The following PPP3CA variants were observed in gnomAD, a reference collection of about 807,000 sequenced individuals.
PPP3CA encodes the protein CAM-PRP catalytic subunit.
PPP3CA carries 14 observed loss-of-function variants against 66.5 expected under a neutral mutation model. The ratio of observed to expected loss-of-function variants is 0.21; its 90% CI spans 0.14 to 0.33. PPP3CA has a LOEUF of 0.33. PPP3CA is among the 10% of genes least tolerant of loss of function. The probability of loss-of-function intolerance (pLI) is 1.00; values close to 1 mark genes in which losing one functional copy is unlikely to be tolerated. For missense variants in PPP3CA, 317 were observed against 639.5 expected (o/e 0.50, Z 5.44); for synonymous variants, 232 against 226.2 (o/e 1.03, Z -0.23).
At chr4:101,260,141 G>C (rs902006508) in intron 1 of PPP3CA, among the ~76,000 whole-genome samples, 8 of 152,048 alleles carry the variant, frequency 5.3e-5, no homozygotes, top group Non-Finnish European at 1.2e-4. Flanking sequence ...TGAATACGGG[G>C]CAAATCGTAT....
At chr4:101,095,583 G>T (rs1301016402) in intron 5 of PPP3CA, among the ~76,000 whole-genome samples, 1 of 152,004 alleles carries the variant, frequency 6.6e-6, no homozygotes, top group African/African-American at 2.4e-5. Flanking sequence ...CTTAATTTAC[G>T]ATGTGAAGTT....
intron 1 of PPP3CA, among the ~76,000 whole-genome samples, chr4:101,328,455 A>G (rs1729272417): frequency 6.6e-6 from 1 of 152,200 alleles, no homozygotes; most frequent in African/African-American, 2.4e-5. Flanking sequence ...AAATGTTACA[A>G]TGAAACCACA....
At chr4:101,324,224 A>AGGAGGGAAG (rs1729142251) in intron 1 of PPP3CA, among the ~76,000 whole-genome samples, 1 of 108,236 alleles carries the variant, frequency 9.2e-6, no homozygotes, top group Non-Finnish European at 2.0e-5. Context: ...AAGGAAGGAA[A>AGGAGGGAAG]GGAGGGAAGG....
At chr4:101,248,824 A>C (rs1726573847) in intron 1 of PPP3CA, among the ~76,000 whole-genome samples, 1 of 152,192 alleles carries the variant, frequency 6.6e-6, no homozygotes, top group African/African-American at 2.4e-5. Flanking sequence ...ATTATCTTAA[A>C]ATCATCTGTC....
intron 2 of PPP3CA, among the ~76,000 whole-genome samples, chr4:101,130,680 C>A (rs1328686206): frequency 6.6e-5 from 10 of 152,282 alleles, no homozygotes; most frequent in Admixed American, 6.5e-4. Context: ...CCTTTATAGA[C>A]AAGCAAATGC....
In PPP3CA at chr4:101,098,323, T is replaced by G. The variant is rs574430794; in HGVS notation, c.642+44A>C. 2.6e-6 allele frequency: 4 copies of G among 1,537,474 alleles called. No homozygotes were observed. The Admixed American group carries it at 8.3e-5, about 32-fold the overall frequency. ...GTAATTAATGTCTTCTATTTATTAC[T>G]GTAGCGCACAAAATGATTAGACTTG... On this transcript the variant is annotated intron_variant, in intron 5 of 13. Coordinates refer to ENST00000394854, the MANE Select transcript of PPP3CA (RefSeq NM_000944.5).
intron 2 of PPP3CA, among the ~76,000 whole-genome samples, chr4:101,155,263 T>C (rs1461447909): frequency 6.6e-6 from 1 of 152,192 alleles, no homozygotes; most frequent in African/African-American, 2.4e-5. Context: ...TGACACCAGG[T>C]ATATACTCAA....
At chr4:101,222,134 C>T (rs1725645161) in intron 1 of PPP3CA, among the ~76,000 whole-genome samples, 1 of 151,576 alleles carries the variant, frequency 6.6e-6, no homozygotes, top group African/African-American at 2.4e-5. Context: ...AATCATTTAT[C>T]AAGCTTTTTA....
intron 11 of PPP3CA, among the ~76,000 whole-genome samples, chr4:101,039,053 C>T (rs963033237): frequency 1.4e-5 from 2 of 146,452 alleles, no homozygotes; most frequent in African/African-American, 2.5e-5. Context: ...AATAAATAAA[C>T]AAGTGTTTAC....
chr4:101,246,580 A>G (rs990279512), intron 1 of PPP3CA, among the ~76,000 whole-genome samples: 2 of 152,216 alleles, frequency 1.3e-5, no homozygotes, highest in Admixed American at 6.5e-5. Context: ...TATAGGTTAA[A>G]GTATTTATTT....
At chr4:101,099,826 C>T (rs1730361565) in intron 3 of PPP3CA, 104 bp from the exon 4 acceptor site, 1 of 502,862 alleles carries the variant, frequency 2.0e-6, no homozygotes, top group African/African-American at 2.0e-5. Flanking sequence ...ATTACCATGA[C>T]CAAAAGTCCC....
Position 101,149,524 on chromosome 4 carries a change from C to A in PPP3CA, c.260-40446G>T, listed in dbSNP as rs530033954. Reference sequence around the variant, plus strand: ...GCTAGAATAAGTTTGATATCAGAACCAAAACAATGGCAATGTTTGTTTTGT... The same window carrying A: ...GCTAGAATAAGTTTGATATCAGAACAAAAACAATGGCAATGTTTGTTTTGT... On this transcript the variant is annotated intron_variant, in intron 2 of 13. Coordinates refer to ENST00000394854, the MANE Select transcript of PPP3CA (RefSeq NM_000944.5). Among the ~76,000 whole-genome samples the A allele has an allele frequency of 2.0e-5, 3 of 152,144 alleles. No homozygotes were observed. In the East Asian group the frequency reaches 5.8e-4, roughly 29 times the overall value.
intron 1 of PPP3CA, among the ~76,000 whole-genome samples, chr4:101,331,152 C>T (rs566786569): frequency 6.6e-6 from 1 of 152,130 alleles, no homozygotes; most frequent in Non-Finnish European, 1.5e-5. Flanking sequence ...ATATATTTGG[C>T]CTCATCTTGC....
At chr4:101,166,990 T>C (rs1020987076) in intron 2 of PPP3CA, among the ~76,000 whole-genome samples, 7 of 152,182 alleles carry the variant, frequency 4.6e-5, no homozygotes, top group Admixed American at 1.3e-4. Flanking sequence ...CCTTTAATTA[T>C]ACGTGCAATT....
intron 1 of PPP3CA, among the ~76,000 whole-genome samples, chr4:101,278,136 A>AAAAAAAAAAAAAAAAAAAT (rs1553937788): frequency 6.9e-6 from 1 of 145,840 alleles, no homozygotes; most frequent in Admixed American, 6.7e-5. Context: ...AAAAAAAAAA[A>AAAAAAAAAAAAAAAAAAAT]AAATAAAAAA....
chr4:101,237,768 G>T (rs185117298), intron 1 of PPP3CA, among the ~76,000 whole-genome samples: 5 of 152,166 alleles, frequency 3.3e-5, no homozygotes, highest in Non-Finnish European at 5.9e-5. Context: ...ATGCTGTGGG[G>T]CACTGGCCAG....
At chr4:101,344,513 T>C (rs1578207220) in intron 1 of PPP3CA, among the ~76,000 whole-genome samples, 1 of 152,162 alleles carries the variant, frequency 6.6e-6, no homozygotes, top group Non-Finnish European at 1.5e-5. Flanking sequence ...AGGATCTCTA[T>C]CAAAACAAAT....
At chr4:101,194,623 G>A (rs992511752) in intron 2 of PPP3CA, among the ~76,000 whole-genome samples, 2 of 152,018 alleles carry the variant, frequency 1.3e-5, no homozygotes, top group Non-Finnish European at 2.9e-5. Flanking sequence ...CTGGAGTGCA[G>A]TGGCACAGTC....
intron 2 of PPP3CA, among the ~76,000 whole-genome samples, chr4:101,148,515 T>A (rs945291938): frequency 1.3e-5 from 2 of 152,178 alleles, no homozygotes; most frequent in Non-Finnish European, 2.9e-5. Context: ...TACTTACAAA[T>A]AGTGAATTTC....
Sources: allele counts gnomAD v4.1 joint callset (sites outside exome capture counted in the v4.1 genomes callset), GRCh38; gene constraint gnomAD v4.1.1; transcripts MANE v1.5; gene names NCBI Gene and HGNC (gene_info 2026-07-23, HGNC 2026-07-21).